The following APP variants were observed in gnomAD, a reference collection of about 807,000 sequenced individuals.
APP encodes amyloid-beta precursor protein.
In APP, 31 loss-of-function variants were observed where a neutral mutation model predicts 101.4. The ratio of observed to expected loss-of-function variants is 0.31; its 90% CI spans 0.23 to 0.41. The LOEUF is 0.41. Among genes scored for constraint, APP ranks in the 10% least tolerant of loss-of-function variants. The probability of loss-of-function intolerance (pLI) is 1.00; values close to 1 mark genes in which losing one functional copy is unlikely to be tolerated. For synonymous variants in APP, 366 were observed against 364.4 expected, an observed-to-expected ratio of 1.00 and a Z score of -0.05; for missense variants, 839 against 1,003.7, an observed-to-expected ratio of 0.84 and a Z score of 2.22.
intron 11 of APP, among the ~76,000 whole-genome samples, chr21:25,972,194 T>G (rs2042056664): frequency 6.6e-6 from 1 of 152,206 alleles, no homozygotes; most frequent in Non-Finnish European, 1.5e-5. Context: ...AGGTTAAATT[T>G]CTATATACAA....
At chr21:26,088,292 C>T (rs2061743757) in intron 3 of APP, among the ~76,000 whole-genome samples, 1 of 152,128 alleles carries the variant, frequency 6.6e-6, no homozygotes, top group Non-Finnish European at 1.5e-5. Context: ...TTCATCTTTC[C>T]ATCAACTTTA....
At chr21:25,935,235 T>C (rs1367201444) in intron 13 of APP, 1 of 152,226 alleles carries the variant, frequency 6.6e-6, no homozygotes, top group Non-Finnish European at 1.5e-5. Context: ...TCAGGGCAGC[T>C]GAAGTAATCT....
intron 16 of APP, among the ~76,000 whole-genome samples, chr21:25,896,630 G>A (rs748555237): frequency 6.6e-6 from 1 of 152,102 alleles, no homozygotes; most frequent in Non-Finnish European, 1.5e-5. Context: ...TAAGCTTTTG[G>A]TAAAGGATTT....
intron 6 of APP, among the ~76,000 whole-genome samples, chr21:26,011,106 A>G (rs1247087568): frequency 6.6e-6 from 1 of 151,916 alleles, no homozygotes; most frequent in East Asian, 2.0e-4. Flanking sequence ...ACGGCATCTC[A>G]GTCTGTCTGC....
At chr21:26,158,792 C>T (rs186232562) in intron 1 of APP, among the ~76,000 whole-genome samples, 3 of 152,300 alleles carry the variant, frequency 2.0e-5, no homozygotes, top group African/African-American at 7.2e-5. Flanking sequence ...CCCAGTTCAC[C>T]TTCACACATC....
chr21:25,994,203 C>T (rs1020345367), intron 8 of APP, among the ~76,000 whole-genome samples: 1 of 152,152 alleles, frequency 6.6e-6, no homozygotes, highest in Non-Finnish European at 1.5e-5. Flanking sequence ...TTATTGTCTA[C>T]AAATACTATA....
chr21:26,019,490 T>C (rs1461027691), intron 6 of APP, among the ~76,000 whole-genome samples: 2 of 152,228 alleles, frequency 1.3e-5, no homozygotes, highest in African/African-American at 2.4e-5. Context: ...AGGCAGGTTC[T>C]GTGTTCACAT....
intron 11 of APP, among the ~76,000 whole-genome samples, chr21:25,956,591 A>G (rs2041332342): frequency 6.6e-6 from 1 of 152,200 alleles, no homozygotes; most frequent in African/African-American, 2.4e-5. Flanking sequence ...AAACAAAAAA[A>G]CCAGTTGTGA....
chr21:26,040,167 G>C (rs1290773860), intron 5 of APP, among the ~76,000 whole-genome samples: 1 of 152,080 alleles, frequency 6.6e-6, no homozygotes, highest in African/African-American at 2.4e-5. Context: ...TGTATACATT[G>C]AACACATAAA....
chr21:26,084,018 T>A (rs1296762208), intron 3 of APP, among the ~76,000 whole-genome samples: 1 of 152,034 alleles, frequency 6.6e-6, no homozygotes, highest in Non-Finnish European at 1.5e-5. Context: ...GAAACAAAAC[T>A]GGAAACGGAG....
chr21:26,108,341 G>A (rs753252777), intron 2 of APP, among the ~76,000 whole-genome samples: 7 of 152,126 alleles, frequency 4.6e-5, no homozygotes, highest in Admixed American at 1.3e-4. Context: ...TCATTTTACA[G>A]GTTTTCTCAC....
intron 3 of APP, among the ~76,000 whole-genome samples, chr21:26,076,987 C>T: frequency 6.6e-6 from 1 of 151,474 alleles, no homozygotes; most frequent in East Asian, 1.9e-4. Flanking sequence ...GGCGTGAACC[C>T]AGGAGGCGGA....
intron 2 of APP, among the ~76,000 whole-genome samples, chr21:26,111,528 G>A (rs1275737833): frequency 6.6e-6 from 1 of 152,040 alleles, no homozygotes; most frequent in African/African-American, 2.4e-5. Context: ...CTTGAGCCCA[G>A]GAGTTTCAGA....
chr21:26,152,274 G>A (rs1177088001), intron 1 of APP, among the ~76,000 whole-genome samples: 2 of 71,308 alleles, frequency 2.8e-5, no homozygotes, highest in African/African-American at 8.6e-5. Flanking sequence ...GACAGAGCAA[G>A]ACTCCATCTC....
chr21:25,937,928 C>T (rs113481292), intron 13 of APP: 7,667 of 152,190 alleles, frequency 0.05, 649 homozygotes, highest in African/African-American at 0.18. Context: ...TACCCCTAAA[C>T]CCAGCTTATT....
intron 3 of APP, among the ~76,000 whole-genome samples, chr21:26,080,991 G>T (rs911073311): frequency 6.6e-6 from 1 of 151,990 alleles, no homozygotes; most frequent in African/African-American, 2.4e-5. Context: ...ACTGAGAAAT[G>T]ATACCTAAAA....
At chr21:26,160,528 T>C (rs1402202771) in intron 1 of APP, among the ~76,000 whole-genome samples, 1 of 152,184 alleles carries the variant, frequency 6.6e-6, no homozygotes, top group Non-Finnish European at 1.5e-5. Flanking sequence ...TATATAGTAG[T>C]ATTGGCTTCA....
chr21:25,893,097 CTGTT>C (rs1486283902), intron 16 of APP, among the ~76,000 whole-genome samples: 1 of 152,108 alleles, frequency 6.6e-6, no homozygotes, highest in African/African-American at 2.4e-5. Flanking sequence ...ATTATTATAT[CTGTT>C]TGGTGATCTG....
rs749455442 is a variant in APP, at chr21:26,040,584, AGAGT to A, written c.662+10412_662+10415del. 9.1e-3 allele frequency among the ~76,000 whole-genome samples: 1,317 copies of A among 144,616 alleles called. 18 individuals are homozygous for A. Among genetic ancestry groups the A allele is most frequent in the African/African-American group, 0.034 (1,182 of 35,266 alleles). The allele number at this position is 144,616 out of a possible 152,430, so 94.9% of individuals were successfully genotyped here. ...ACCACTGCACTCCAGCCTGGGCAAC[AGAGT>A]GAGACTCCGTCTCCATTAAAAAAAA... On this transcript the variant is annotated intron_variant, in intron 5 of 17. Coordinates refer to ENST00000346798, the MANE Select transcript of APP (RefSeq NM_000484.4).
Sources: allele counts gnomAD v4.1 joint callset (sites outside exome capture counted in the v4.1 genomes callset), GRCh38; gene constraint gnomAD v4.1.1; transcripts MANE v1.5; gene names NCBI Gene and HGNC (gene_info 2026-07-23, HGNC 2026-07-21).